Variants in FBXL20 observed in about 807,000 individuals in gnomAD.
FBXL20 encodes F-box and leucine rich repeat protein 20, also known as F-box/LRR-repeat protein 20.
A neutral mutation model predicts 64.0 loss-of-function variants in FBXL20; 11 were observed. That is an observed-to-expected ratio of 0.17 (90% CI 0.11 to 0.28). The LOEUF (loss-of-function observed/expected upper bound fraction) is 0.28. Ranked by LOEUF, FBXL20 falls within the 10% of genes least tolerant of loss-of-function variation. The pLI is 1.00. For missense variants in FBXL20, 303 were observed against 526.2 expected, an observed-to-expected ratio of 0.58 and a Z score of 4.15; for synonymous variants, 184 against 189.0, an observed-to-expected ratio of 0.97 and a Z score of 0.22.
intron 2 of FBXL20, among the ~76,000 whole-genome samples, chr17:39,332,531 T>C (rs904265669): frequency 5.5e-5 from 8 of 146,558 alleles, no homozygotes; most frequent in African/African-American, 7.6e-5. Context: ...GATTTTTCTT[T>C]GTATCTTTTT....
At chr17:39,390,431 G>A (rs2048123158) in intron 1 of FBXL20, among the ~76,000 whole-genome samples, 1 of 152,032 alleles carries the variant, frequency 6.6e-6, no homozygotes, top group Non-Finnish European at 1.5e-5. Context: ...CGTGGTGGTT[G>A]GCACCTGTAA....
intron 1 of FBXL20, among the ~76,000 whole-genome samples, chr17:39,349,743 T>C (rs2047669442): frequency 1.3e-5 from 2 of 152,068 alleles, no homozygotes; most frequent in Admixed American, 6.6e-5. Context: ...GAGACCATCC[T>C]AGCTAACACG....
intron 1 of FBXL20, among the ~76,000 whole-genome samples, chr17:39,383,651 G>A (rs78294154): frequency 1.3e-5 from 2 of 148,494 alleles, no homozygotes; most frequent in Non-Finnish European, 3.0e-5. Flanking sequence ...GTGCAGTGGC[G>A]CGATCTCGGC....
At chr17:39,363,810 C>CAAAAAAAAAAAACAAAAAAAAAA (rs1567896910) in intron 1 of FBXL20, among the ~76,000 whole-genome samples, 5 of 26,590 alleles carry the variant, frequency 1.9e-4, no homozygotes, top group Admixed American at 4.7e-4. Context: ...GACTTTATCT[C>CAAAAAAAAAAAACAAAAAAAAAA]AAAAAAAAAA....
intron 1 of FBXL20, among the ~76,000 whole-genome samples, chr17:39,400,989 G>A (rs982747022): frequency 2.0e-5 from 3 of 150,770 alleles, no homozygotes; most frequent in African/African-American, 7.3e-5. Context: ...CGTCATGAAG[G>A]TAGCAGCGAG....
At chr17:39,365,397 C>T (rs2047849669) in intron 1 of FBXL20, among the ~76,000 whole-genome samples, 1 of 152,200 alleles carries the variant, frequency 6.6e-6, no homozygotes, top group Non-Finnish European at 1.5e-5. Flanking sequence ...TTTTTAGAAG[C>T]TAACTACTGC....
At chr17:39,401,305 G>T (rs1310706991) in intron 1 of FBXL20, 56 bp downstream of exon 1, 1 of 1,611,464 alleles carries the variant, frequency 6.2e-7, no homozygotes, top group East Asian at 2.2e-5. Context: ...GGACGTTTTG[G>T]GATTAGAGCG....
At chr17:39,327,938 T>C (rs2047424112) in intron 2 of FBXL20, among the ~76,000 whole-genome samples, 1 of 152,086 alleles carries the variant, frequency 6.6e-6, no homozygotes, top group Non-Finnish European at 1.5e-5. Context: ...GCAATGAGCA[T>C]ATCTAGAATA....
chr17:39,352,451 G>A (rs1278048269), intron 1 of FBXL20, among the ~76,000 whole-genome samples: 1 of 152,048 alleles, frequency 6.6e-6, no homozygotes, highest in African/African-American at 2.4e-5. Flanking sequence ...CGGAGGCTGA[G>A]GCAGGCAGAT....
At chr17:39,375,665 T>A (rs1357220539) in intron 1 of FBXL20, among the ~76,000 whole-genome samples, 1 of 152,208 alleles carries the variant, frequency 6.6e-6, no homozygotes, top group Non-Finnish European at 1.5e-5. Flanking sequence ...AAATATTACG[T>A]ATCAATTTTG....
At chr17:39,311,572 T>C (rs2047235909) in intron 2 of FBXL20, among the ~76,000 whole-genome samples, 1 of 152,164 alleles carries the variant, frequency 6.6e-6, no homozygotes, top group African/African-American at 2.4e-5. Context: ...TCTTCAATAT[T>C]GATTATCCAA....
chr17:39,383,143 C>T (rs922076362), intron 1 of FBXL20, among the ~76,000 whole-genome samples: 1 of 125,046 alleles, frequency 8.0e-6, no homozygotes, highest in African/African-American at 3.1e-5. Context: ...AGCCTGGCAA[C>T]AGAGTGAGAC....
At chr17:39,295,807 T>TA in intron 6 of FBXL20, among the ~76,000 whole-genome samples, 1 of 126,620 alleles carries the variant, frequency 7.9e-6, no homozygotes, top group African/African-American at 3.1e-5. Context: ...ATATATATAT[T>TA]AAGTCTTCTG....
intron 1 of FBXL20, among the ~76,000 whole-genome samples, chr17:39,371,809 C>T (rs565635671): frequency 1.4e-4 from 21 of 152,134 alleles, no homozygotes; most frequent in Non-Finnish European, 2.8e-4. Flanking sequence ...TAAAGGCACG[C>T]GCCACCTCGC....
intron 1 of FBXL20, among the ~76,000 whole-genome samples, chr17:39,350,341 T>C (rs2047675870): frequency 6.6e-6 from 1 of 151,840 alleles, no homozygotes; most frequent in Non-Finnish European, 1.5e-5. Flanking sequence ...AATACAAAAT[T>C]AGCCAGGCAT....
chr17:39,335,849 AG>A (rs1200816438), intron 2 of FBXL20, among the ~76,000 whole-genome samples: 1 of 152,166 alleles, frequency 6.6e-6, no homozygotes, highest in East Asian at 1.9e-4. Context: ...TCAGTATAAA[AG>A]GGGAAACAGG....
intron 10 of FBXL20, 70 bp downstream of exon 10, chr17:39,274,900 C>T (rs1274178273): frequency 6.3e-7 from 1 of 1,594,356 alleles, no homozygotes; most frequent in Admixed American, 1.8e-5. Flanking sequence ...TTCCAAAGTT[C>T]CAAGGAAGAA....
At chr17:39,297,846 C>G (rs527311429) in intron 5 of FBXL20, among the ~76,000 whole-genome samples, 9 of 152,182 alleles carry the variant, frequency 5.9e-5, no homozygotes, top group Admixed American at 1.3e-4. Context: ...AGTGATTCTC[C>G]TGCCTCAGCC....
chr17:39,340,128 C>T (rs576441436), intron 2 of FBXL20, among the ~76,000 whole-genome samples: 8 of 152,182 alleles, frequency 5.3e-5, no homozygotes, highest in Non-Finnish European at 7.4e-5. Context: ...GATGGAGTCT[C>T]GCTCTGTTGT....
Sources: gnomAD v4.1 joint callset for allele counts (sites outside exome capture counted in the v4.1 genomes callset) on GRCh38, gnomAD v4.1.1 for gene constraint, MANE v1.5 for transcripts, NCBI Gene and HGNC (gene_info 2026-07-23, HGNC 2026-07-21) for gene names.